EEIG2: variants seen among roughly 807,000 people sequenced by gnomAD.
EEIG2 encodes the protein family with sequence similarity 102 member B.
At chr1:108,633,569 C>T in the EEIG2 span, among the ~76,000 whole-genome samples, 4 of 152,170 alleles carry the variant, frequency 2.6e-5, no homozygotes, top group East Asian at 1.9e-4. Flanking sequence ...CCTTTAGGGA[C>T]GTTAAATTTT....
chr1:108,630,577 A>C, the EEIG2 span, among the ~76,000 whole-genome samples: 1 of 152,240 alleles, frequency 6.6e-6, no homozygotes, highest in Non-Finnish European at 1.5e-5. Flanking sequence ...AAGTATAATA[A>C]TAAAAAAAGA....
At chr1:108,615,087 C>T in the EEIG2 span, among the ~76,000 whole-genome samples, 1 of 152,174 alleles carries the variant, frequency 6.6e-6, no homozygotes, top group Non-Finnish European at 1.5e-5. Flanking sequence ...ATATAAGATA[C>T]ATGTCATCCA....
the EEIG2 span, among the ~76,000 whole-genome samples, chr1:108,594,086 G>A: frequency 1.3e-5 from 2 of 152,276 alleles, no homozygotes; most frequent in African/African-American, 2.4e-5. Context: ...GGGATTACAA[G>A]CATTGAGCCA....
chr1:108,581,621 G>A, the EEIG2 span, among the ~76,000 whole-genome samples: 22 of 152,136 alleles, frequency 1.4e-4, no homozygotes, highest in African/African-American at 7.2e-5. Flanking sequence ...CTGCAGATGC[G>A]GTGAAAATAG....
At chr1:108,608,546 G>T in the EEIG2 span, among the ~76,000 whole-genome samples, 2 of 152,168 alleles carry the variant, frequency 1.3e-5, no homozygotes, top group Non-Finnish European at 2.9e-5. Context: ...AGGAAACATA[G>T]ACTTTCTGGT....
At chr1:108,595,980 A>G in the EEIG2 span, among the ~76,000 whole-genome samples, 1 of 152,188 alleles carries the variant, frequency 6.6e-6, no homozygotes, top group Non-Finnish European at 1.5e-5. Context: ...GGAAGCCAAC[A>G]TTAAGTTTGA....
At chr1:108,630,865 G>A in the EEIG2 span, among the ~76,000 whole-genome samples, 1 of 152,302 alleles carries the variant, frequency 6.6e-6, no homozygotes, top group East Asian at 1.9e-4. Flanking sequence ...CTTGGACCAA[G>A]ACAGTTATTG....
chr1:108,581,546 A>G, the EEIG2 span, among the ~76,000 whole-genome samples: 1 of 126,098 alleles, frequency 7.9e-6, no homozygotes, highest in Admixed American at 8.6e-5. Flanking sequence ...CAACATTAAC[A>G]GGAGTTTGGA....
the EEIG2 span, among the ~76,000 whole-genome samples, chr1:108,604,865 CAAAA>C: frequency 2.3e-5 from 2 of 88,220 alleles, no homozygotes. Flanking sequence ...CCCACCTCTC[CAAAA>C]AAAAAAAAAA....
the EEIG2 span, among the ~76,000 whole-genome samples, chr1:108,632,135 A>AAAAAAGG: frequency 4.4e-5 from 3 of 67,632 alleles, 1 homozygote; most frequent in Non-Finnish European, 7.8e-5. Context: ...AAAAAAAAAA[A>AAAAAAGG]AGAAGAAGAA....
chr1:108,576,894 C>T, the EEIG2 span, among the ~76,000 whole-genome samples: 2 of 152,056 alleles, frequency 1.3e-5, no homozygotes, highest in African/African-American at 4.8e-5. Context: ...AATGGTTGAA[C>T]TAGTTTACAG....
the EEIG2 span, among the ~76,000 whole-genome samples, chr1:108,571,226 G>A: frequency 6.6e-6 from 1 of 152,176 alleles, no homozygotes; most frequent in African/African-American, 2.4e-5. Flanking sequence ...CTTGAAAGTA[G>A]TAGAGTTACA....
the EEIG2 span, among the ~76,000 whole-genome samples, chr1:108,595,765 A>C: frequency 6.6e-6 from 1 of 151,696 alleles, no homozygotes; most frequent in South Asian, 2.1e-4. Context: ...GGAGGGAGAG[A>C]GGAAGGGAGG....
chr1:108,572,725 C>G, the EEIG2 span, among the ~76,000 whole-genome samples: 10 of 152,290 alleles, frequency 6.6e-5, no homozygotes, highest in East Asian at 1.9e-3. Flanking sequence ...AAGCAATTCT[C>G]CTGCCTCAGC....
At chr1:108,606,052 G>A in the EEIG2 span, among the ~76,000 whole-genome samples, 18 of 152,222 alleles carry the variant, frequency 1.2e-4, no homozygotes, top group South Asian at 3.7e-3. Context: ...AAAAATTCTG[G>A]TCATTTGGGG....
At chr1:108,579,803 C>T in the EEIG2 span, among the ~76,000 whole-genome samples, 4 of 16,104 alleles carry the variant, frequency 2.5e-4, no homozygotes, top group African/African-American at 4.1e-4. Flanking sequence ...GAGAAAGAAA[C>T]CCACTCTCTT....
the EEIG2 span, among the ~76,000 whole-genome samples, chr1:108,612,989 C>T: frequency 6.6e-6 from 1 of 152,192 alleles, no homozygotes; most frequent in Non-Finnish European, 1.5e-5. Flanking sequence ...TGATACTCTA[C>T]AGTTTTCAAA....
the EEIG2 span, among the ~76,000 whole-genome samples, chr1:108,564,260 G>A: frequency 1.3e-5 from 2 of 151,744 alleles, no homozygotes; most frequent in African/African-American, 2.4e-5. Context: ...AAGGTTGGGT[G>A]GGGGGGAAAT....
the EEIG2 span, chr1:108,600,691 A>T: frequency 1.2e-6 from 2 of 1,602,148 alleles, no homozygotes; most frequent in Non-Finnish European, 1.7e-6. Flanking sequence ...AGGAAGGTAT[A>T]AAAATAGCCT....
Sources: allele counts gnomAD v4.1 joint callset (sites outside exome capture counted in the v4.1 genomes callset), GRCh38; gene constraint gnomAD v4.1.1; transcripts MANE v1.5; gene names NCBI Gene and HGNC (gene_info 2026-07-23, HGNC 2026-07-21).